Variants in SPMIP3 observed in about 807,000 individuals in gnomAD.
The protein encoded by SPMIP3 is sperm microtubule inner protein 3, also known as protein SPMIP3.
the SPMIP3 span, among the ~76,000 whole-genome samples, chr1:244,366,211 GTTGCCC>G: frequency 6.6e-6 from 1 of 152,166 alleles, no homozygotes; most frequent in East Asian, 1.9e-4. Context: ...GTCTGGCTCT[GTTGCCC>G]AGGCTGGAGT....
At chr1:244,377,270 C>T in the SPMIP3 span, among the ~76,000 whole-genome samples, 30,573 of 151,942 alleles carry the variant, frequency 0.2, 3,144 homozygotes, top group South Asian at 0.27. Context: ...TACAGGCACC[C>T]GCCACCATGC....
chr1:244,370,181 C>T, the SPMIP3 span, among the ~76,000 whole-genome samples: 4 of 152,132 alleles, frequency 2.6e-5, no homozygotes, highest in African/African-American at 9.7e-5. Context: ...GAGATGTTAG[C>T]CACCAAGTAC....
chr1:244,364,836 G>C, the SPMIP3 span: 1 of 1,388,818 alleles, frequency 7.2e-7, no homozygotes, highest in South Asian at 1.2e-5. Context: ...TGCACATCCT[G>C]CTGCTCAGTG....
chr1:244,359,959 A>G, the SPMIP3 span, among the ~76,000 whole-genome samples: 1 of 151,408 alleles, frequency 6.6e-6, no homozygotes, highest in Non-Finnish European at 1.5e-5. Flanking sequence ...AATACAAAAA[A>G]TTAGCTGGGC....
the SPMIP3 span, among the ~76,000 whole-genome samples, chr1:244,378,903 C>T: frequency 6.7e-6 from 1 of 149,716 alleles, no homozygotes; most frequent in Non-Finnish European, 1.5e-5. Flanking sequence ...CAAGTCTGAC[C>T]ACGCTTTCTT....
the SPMIP3 span, among the ~76,000 whole-genome samples, chr1:244,373,877 GC>G: frequency 2.0e-5 from 3 of 152,054 alleles, no homozygotes; most frequent in East Asian, 5.8e-4. Context: ...ACTTTGGGAG[GC>G]CAAGGTGGGC....
chr1:244,375,303 C>G, the SPMIP3 span: 4 of 1,258,594 alleles, frequency 3.2e-6, no homozygotes, highest in Non-Finnish European at 4.6e-6. Context: ...TATGCCGCAG[C>G]TGGCATTCTT....
chr1:244,381,425 T>C, the SPMIP3 span, among the ~76,000 whole-genome samples: 22 of 152,190 alleles, frequency 1.4e-4, no homozygotes, highest in African/African-American at 5.1e-4. Flanking sequence ...AAAGGTGTTC[T>C]CCCTTGCTTA....
the SPMIP3 span, among the ~76,000 whole-genome samples, chr1:244,365,890 G>C: frequency 6.6e-6 from 1 of 152,152 alleles, no homozygotes; most frequent in Non-Finnish European, 1.5e-5. Context: ...CCTCTGATGA[G>C]AGCTGACGGC....
the SPMIP3 span, among the ~76,000 whole-genome samples, chr1:244,381,535 C>T: frequency 6.6e-6 from 1 of 152,190 alleles, no homozygotes; most frequent in Non-Finnish European, 1.5e-5. Flanking sequence ...TGTGCCGGGA[C>T]ATAGAAAGTC....
chr1:244,386,397 C>A, the SPMIP3 span, among the ~76,000 whole-genome samples: 1 of 152,158 alleles, frequency 6.6e-6, no homozygotes, highest in Non-Finnish European at 1.5e-5. Flanking sequence ...TCCAAAAAAT[C>A]ATTTCACACT....
At chr1:244,380,701 T>C in the SPMIP3 span, among the ~76,000 whole-genome samples, 1 of 152,150 alleles carries the variant, frequency 6.6e-6, no homozygotes, top group Non-Finnish European at 1.5e-5. Flanking sequence ...TATTATTTAT[T>C]TAATAGTCTT....
chr1:244,370,519 G>A, the SPMIP3 span, among the ~76,000 whole-genome samples: 1 of 152,240 alleles, frequency 6.6e-6, no homozygotes, highest in Non-Finnish European at 1.5e-5. Flanking sequence ...TGAGTGGAAA[G>A]ACAACATTGT....
the SPMIP3 span, among the ~76,000 whole-genome samples, chr1:244,360,136 T>TC: frequency 6.6e-6 from 1 of 151,842 alleles, no homozygotes; most frequent in Non-Finnish European, 1.5e-5. Flanking sequence ...TTACTAATCA[T>TC]CAGAAAAATG....
At chr1:244,377,119 C>T in the SPMIP3 span, among the ~76,000 whole-genome samples, 1 of 149,636 alleles carries the variant, frequency 6.7e-6, no homozygotes, top group Non-Finnish European at 1.5e-5. Context: ...TACAGCATCA[C>T]TTTATTTTTA....
At chr1:244,388,945 T>A in the SPMIP3 span, 3 of 1,607,994 alleles carry the variant, frequency 1.9e-6, no homozygotes, top group Non-Finnish European at 2.6e-6. Flanking sequence ...TTGTTTTAAA[T>A]TCCAGATTGG....
At chr1:244,366,159 G>A in the SPMIP3 span, among the ~76,000 whole-genome samples, 5 of 152,096 alleles carry the variant, frequency 3.3e-5, no homozygotes, top group South Asian at 2.1e-4. Context: ...AGCAAGCCTC[G>A]TGTTTAGTTT....
the SPMIP3 span, among the ~76,000 whole-genome samples, chr1:244,383,816 G>A: frequency 6.6e-6 from 1 of 152,276 alleles, no homozygotes; most frequent in East Asian, 1.9e-4. Flanking sequence ...GGAGGGATGG[G>A]AAGAAAGACC....
the SPMIP3 span, among the ~76,000 whole-genome samples, chr1:244,385,111 T>A: frequency 1.3e-5 from 2 of 152,254 alleles, no homozygotes; most frequent in East Asian, 3.9e-4. Flanking sequence ...CATCATGGTC[T>A]CGAACTCCTG....
Sources: gnomAD v4.1 joint callset for allele counts (sites outside exome capture counted in the v4.1 genomes callset) on GRCh38, gnomAD v4.1.1 for gene constraint, MANE v1.5 for transcripts, NCBI Gene and HGNC (gene_info 2026-07-23, HGNC 2026-07-21) for gene names.